Variants in ST3GAL1 observed in about 807,000 individuals in gnomAD.
ST3GAL1 encodes ST3 beta-galactoside alpha-2,3-sialyltransferase 1, also known as CMP-N-acetylneuraminate-beta-galactosamide-alpha-2,3-sialyltransferase 1.
A neutral mutation model predicts 34.1 loss-of-function variants in ST3GAL1; 16 were observed. That is an observed-to-expected ratio of 0.47 (90% CI 0.32 to 0.71). The LOEUF is 0.71. Among genes scored for constraint, ST3GAL1 ranks in the 30% least tolerant of loss-of-function variants. ST3GAL1 has a pLI of 0.04. For missense variants in ST3GAL1, 353 were observed against 447.4 expected, an observed-to-expected ratio of 0.79 and a Z score of 1.90; for synonymous variants, 191 against 184.7, an observed-to-expected ratio of 1.03 and a Z score of -0.28.
At chr8:133,526,621 C>T (rs1817982843) in intron 2 of ST3GAL1, among the ~76,000 whole-genome samples, 1 of 152,066 alleles carries the variant, frequency 6.6e-6, no homozygotes, top group Non-Finnish European at 1.5e-5. Context: ...AACAGAGAAA[C>T]CACTGCAAAA....
At chr8:133,537,295 CAGTCTTCTGG>C (rs1012131237) in intron 2 of ST3GAL1, among the ~76,000 whole-genome samples, 24 of 136,890 alleles carry the variant, frequency 1.8e-4, no homozygotes, top group Admixed American at 1.0e-3. Context: ...TCTTCCAACC[CAGTCTTCTGG>C]GGTTTTATGG....
At chr8:133,473,791 C>A (rs1014771832) in intron 5 of ST3GAL1, among the ~76,000 whole-genome samples, 1 of 152,226 alleles carries the variant, frequency 6.6e-6, no homozygotes, top group African/African-American at 2.4e-5. Flanking sequence ...TAGGTAGAGA[C>A]CAGTGATGCT....
At chr8:133,515,484 GGTTCTCATT>G (rs1479932201) in intron 2 of ST3GAL1, 1 of 152,058 alleles carries the variant, frequency 6.6e-6, no homozygotes, top group African/African-American at 2.4e-5. Flanking sequence ...AGTTCTCAAG[GGTTCTCATT>G]GTTTAAAAGA....
In ST3GAL1 at chr8:133,492,446, C is replaced by T. The variant is rs573085296; in HGVS notation, c.-374+6689G>A. Among the ~76,000 whole-genome samples, 6 of 152,314 alleles carry T rather than the reference C, an allele frequency of 3.9e-5. No individual in the cohort carries two copies. In the South Asian group the frequency reaches 6.2e-4, roughly 16 times the overall value. ...TTCAAAGTGAAGAAATGGGGCCAGG[C>T]GTGGTGGCTCAAGCCTGTAATCCTA... On this transcript the variant is annotated intron_variant, in intron 3 of 9. Coordinates refer to ENST00000522652, the MANE Select transcript of ST3GAL1 (RefSeq NM_173344.3).
At chr8:133,554,231 C>G (rs1818941819) in intron 1 of ST3GAL1, among the ~76,000 whole-genome samples, 1 of 152,166 alleles carries the variant, frequency 6.6e-6, no homozygotes, top group African/African-American at 2.4e-5. Context: ...AGTCTGCAAT[C>G]ACCTGCCCAA....
intron 2 of ST3GAL1, among the ~76,000 whole-genome samples, chr8:133,545,181 G>A (rs1350922490): frequency 2.0e-5 from 3 of 152,242 alleles, no homozygotes; most frequent in Non-Finnish European, 4.4e-5. Flanking sequence ...CAGCTCAGCT[G>A]TAGACCAGAG....
intron 2 of ST3GAL1, among the ~76,000 whole-genome samples, chr8:133,531,899 A>G (rs1318913223): frequency 2.0e-5 from 3 of 151,106 alleles, no homozygotes; most frequent in African/African-American, 7.3e-5. Context: ...TCTCTGAGTC[A>G]TTAAGATACT....
Position 133,476,072 on chromosome 8 carries a change from C to T in ST3GAL1, c.-48G>A, listed in dbSNP as rs1350485631. The T allele has an allele frequency of 4.0e-6, 6 of 1,511,192 alleles. No homozygotes were observed. The highest frequency in any genetic ancestry group is 5.3e-6 in the Non-Finnish European group (6 of 1,129,128). 93.6% of individuals were successfully genotyped at this position (1,511,192 alleles called of 1,614,324 possible). On this transcript the variant is annotated splice_region_variant and 5_prime_UTR_variant, in exon 5 of 10. Transcript: ENST00000522652. ...TCCCACGATGGGTAGCAGGAACTCC[C>T]TCCTAAGAGAGGAGAAAAATGGAAG...
rs1315045137 is a variant in ST3GAL1, at chr8:133,571,330, C to T, written c.-582+363G>A. 6.6e-6 allele frequency among the ~76,000 whole-genome samples: 1 copy of T among 152,172 alleles called. No individual in the cohort carries two copies. The highest frequency in any genetic ancestry group is 1.5e-5 in the Non-Finnish European group (1 of 68,038). On this transcript the variant is annotated intron_variant, in intron 1 of 9. Transcript: ENST00000522652. This position sits in a 1 kb window ranked among gnomAD's most constrained non-coding sequence, Gnocchi z 6.7. ...GGTGCAATGTCACTGGGGCTGCTTT[C>T]GGGAACCGCTGCCCGGGACTTGGCG...
At chr8:133,543,793 ACATCATCATCATCATCATCAT>A (rs76541813) in intron 2 of ST3GAL1, among the ~76,000 whole-genome samples, 35 of 151,190 alleles carry the variant, frequency 2.3e-4, no homozygotes, top group African/African-American at 8.5e-4. Flanking sequence ...ATCACTGTTA[ACATCATCATCATCATCATCAT>A]CATCATCATT....
At chr8:133,569,952 A>T (rs1819517956) in intron 1 of ST3GAL1, among the ~76,000 whole-genome samples, 1 of 152,256 alleles carries the variant, frequency 6.6e-6, no homozygotes, top group African/African-American at 2.4e-5. Context: ...CTTGGTCGAT[A>T]CATTTGAACT....
chr8:133,543,900 T>C (rs1483058977), intron 2 of ST3GAL1, among the ~76,000 whole-genome samples: 1 of 152,218 alleles, frequency 6.6e-6, no homozygotes, highest in Non-Finnish European at 1.5e-5. Flanking sequence ...ACTTCATATC[T>C]GCGTTAAACT....
At chr8:133,544,360 C>T (rs1818619438) in intron 2 of ST3GAL1, among the ~76,000 whole-genome samples, 1 of 152,170 alleles carries the variant, frequency 6.6e-6, no homozygotes, top group African/African-American at 2.4e-5. Flanking sequence ...ACCTGTCTAT[C>T]GTATAGAACT....
rs1816885165 is a variant in ST3GAL1, at chr8:133,494,607, A to C, written c.-374+4528T>G. Reference sequence around the variant, plus strand: ...GAAGCCTCCAGTGGGTTCTCTGCACACCCACAATGCAATCCAAGGCTCTCA... The same window carrying C: ...GAAGCCTCCAGTGGGTTCTCTGCACCCCCACAATGCAATCCAAGGCTCTCA... On this transcript the variant is annotated intron_variant, in intron 3 of 9. Transcript: ENST00000522652. Among the ~76,000 whole-genome samples, 7 of 152,042 alleles carry C rather than the reference A, an allele frequency of 4.6e-5. No homozygotes were observed. The South Asian group carries it at 1.5e-3, about 32-fold the overall frequency.
rs77509746 is a variant in ST3GAL1 at position 133,484,954 on chromosome 8, C to G, written c.-373-8354G>C. Among the ~76,000 whole-genome samples the G allele has an allele frequency of 3.8e-3, 573 of 152,312 alleles. 7 individuals are homozygous for G. Among genetic ancestry groups the G allele is most frequent in the African/African-American group, 0.013 (556 of 41,560 alleles). The stretch of plus-strand genomic sequence containing the variant: ...GACTGTTCAGAAACATTTAAGAACT[C>G]AGCAAACTTGTAGCTATGATCAACG... On this transcript the variant is annotated intron_variant, in intron 3 of 9. Coordinates refer to ENST00000522652, the MANE Select transcript of ST3GAL1 (RefSeq NM_173344.3).
At chr8:133,482,904 TCAACAACAA>T (rs373515250) in intron 3 of ST3GAL1, among the ~76,000 whole-genome samples, 3 of 152,100 alleles carry the variant, frequency 2.0e-5, no homozygotes, top group Admixed American at 6.5e-5. Context: ...CCAACAGTTG[TCAACAACAA>T]CAACAACAAC....
rs1467643614 is a variant in ST3GAL1, at chr8:133,571,267, CG to C, written c.-582+425del. ...GGCCACCCAGCGAGGTCTCCTCCCA[CG>C]GGCGGCCCCAGCGGAGGAGATCCCA... On this transcript the variant is annotated intron_variant, in intron 1 of 9. Coordinates refer to ENST00000522652, the MANE Select transcript of ST3GAL1 (RefSeq NM_173344.3). The surrounding 1 kb of genome is among the most constrained non-coding windows in gnomAD (Gnocchi z 6.7). Among the ~76,000 whole-genome samples the C allele has an allele frequency of 6.6e-6, 1 of 152,206 alleles. No individual in the cohort carries two copies. The highest frequency in any genetic ancestry group is 6.5e-5 in the Admixed American group (1 of 15,286).
intron 3 of ST3GAL1, among the ~76,000 whole-genome samples, chr8:133,491,877 C>A (rs1816796518): frequency 6.6e-6 from 1 of 152,162 alleles, no homozygotes; most frequent in South Asian, 2.1e-4. Context: ...GCCCCACCCC[C>A]ATACCTGGGC....
At chr8:133,562,318 T>C (rs1389558544) in intron 1 of ST3GAL1, among the ~76,000 whole-genome samples, 1 of 151,226 alleles carries the variant, frequency 6.6e-6, no homozygotes, top group Non-Finnish European at 1.5e-5. Flanking sequence ...CAAGTGATTC[T>C]CCTACCTCAG....
Sources: gnomAD v4.1 joint callset for allele counts (sites outside exome capture counted in the v4.1 genomes callset) on GRCh38, gnomAD v4.1.1 for gene constraint, Gnocchi (gnomAD v3.1) non-coding constraint, MANE v1.5 for transcripts, NCBI Gene and HGNC (gene_info 2026-07-23, HGNC 2026-07-21) for gene names.